The following UBXN11 variants were observed in gnomAD, a reference collection of about 807,000 sequenced individuals.
UBXN11 encodes UBX domain-containing protein 11.
UBXN11 carries 47 observed loss-of-function variants against 62.8 expected under a neutral mutation model. That is an observed-to-expected ratio of 0.75 (90% CI 0.59 to 0.95). UBXN11 has a LOEUF of 0.95. Among genes scored for constraint, UBXN11 ranks in the 40% least tolerant of loss-of-function variants. The pLI, the probability that UBXN11 is intolerant of heterozygous loss-of-function variation, is 0.00. For missense variants in UBXN11, 638 were observed against 661.7 expected (o/e 0.96, Z 0.39); for synonymous variants, 294 against 267.0 (o/e 1.10, Z -0.99).
chr1:26,286,160 G>C (rs898777614), intron 8 of UBXN11, 123 bp from the exon 9 acceptor site: 1 of 834,070 alleles, frequency 1.2e-6, no homozygotes, highest in African/African-American at 1.7e-5. Flanking sequence ...TGACTGCCTG[G>C]GGAAAAGGAC....
At chr1:26,316,273 T>G (rs576580491) in intron 1 of UBXN11, among the ~76,000 whole-genome samples, 1 of 151,886 alleles carries the variant, frequency 6.6e-6, no homozygotes, top group Non-Finnish European at 1.5e-5. Context: ...CAGCCTCTGT[T>G]TTTTTCTTTG....
At chr1:26,317,115 C>T (rs12088819) in intron 1 of UBXN11, among the ~76,000 whole-genome samples, 24,030 of 150,718 alleles carry the variant, frequency 0.16, 2,006 homozygotes, top group Middle Eastern at 0.21. Flanking sequence ...GTGGCACACA[C>T]CTGTAGTCCC....
rs1557677119 is a variant in UBXN11 at position 26,282,319 on chromosome 1, G to A, written c.1543C>T (p.Pro515Ser). The change falls in exon 15 of 15, where the codon CCC (proline) becomes TCC (serine). Residue 515 changes from proline to serine, a missense_variant. Coordinates refer to ENST00000374222, the MANE Select transcript of UBXN11 (RefSeq NM_001389556.1). ...GTGCTTTATTGGGGGCTGGGACTGGGTCCAGGACAGGGACTGGGGCCGGGA... is the reference window on the plus strand; with the variant it reads ...GTGCTTTATTGGGGGCTGGGACTGGATCCAGGACAGGGACTGGGGCCGGGA... ...PGPGPSPCPG[P>S]SPSPQ 1.4e-6 allele frequency: 2 copies of A among 1,458,256 alleles called. No individual in the cohort carries two copies. The highest frequency in any genetic ancestry group is 1.4e-5 in the South Asian group (1 of 73,038). 90.3% of individuals were successfully genotyped at this position (1,458,256 alleles called of 1,614,324 possible). A position where few individuals can be genotyped will look rare whatever the true frequency, so the allele number is the denominator to read the frequency against.
intron 1 of UBXN11, among the ~76,000 whole-genome samples, chr1:26,311,684 G>A (rs371246122): frequency 2.6e-5 from 4 of 151,366 alleles, no homozygotes; most frequent in East Asian, 3.9e-4. Context: ...CTCGTGATCC[G>A]CCCGCCTCGG....
chr1:26,317,723 T>C (rs4659426), intron 1 of UBXN11, among the ~76,000 whole-genome samples: 132,735 of 152,064 alleles, frequency 0.87, 58,895 homozygotes, highest in Non-Finnish European at 0.93. Flanking sequence ...TTCCAGGCCT[T>C]GGGCCCTACT....
chr1:26,299,044 G>A (rs1308083748), intron 4 of UBXN11, among the ~76,000 whole-genome samples: 2 of 152,112 alleles, frequency 1.3e-5, no homozygotes, highest in African/African-American at 4.8e-5. Context: ...TTTGCATGTG[G>A]GATAACAAAA....
intron 4 of UBXN11, among the ~76,000 whole-genome samples, chr1:26,299,849 G>A (rs1026222818): frequency 6.6e-6 from 1 of 151,906 alleles, no homozygotes; most frequent in African/African-American, 2.4e-5. Flanking sequence ...AAGTGACCTG[G>A]CTGGGTATGG....
chr1:26,285,777 G>A (rs1465483658), intron 9 of UBXN11, 46 bp downstream of exon 9: 1 of 1,551,666 alleles, frequency 6.4e-7, no homozygotes, highest in Non-Finnish European at 8.8e-7. Context: ...ACTAACAGTG[G>A]GCAGCAGGGG....
At chr1:26,283,240 A>T (rs752885893) in intron 12 of UBXN11, among the ~76,000 whole-genome samples, 4 of 152,182 alleles carry the variant, frequency 2.6e-5, no homozygotes, top group Non-Finnish European at 4.4e-5. Context: ...CTTCCCTCGG[A>T]AAATGACAAC....
At chr1:26,314,028 C>T (rs2073768286) in intron 1 of UBXN11, among the ~76,000 whole-genome samples, 1 of 152,114 alleles carries the variant, frequency 6.6e-6, no homozygotes, top group East Asian at 1.9e-4. Context: ...GATCGACTCG[C>T]CTCGGCCTCT....
chr1:26,300,259 G>A (rs997513696), intron 4 of UBXN11, among the ~76,000 whole-genome samples: 12 of 152,272 alleles, frequency 7.9e-5, no homozygotes, highest in East Asian at 3.9e-4. Context: ...GCATCTCATT[G>A]AATCCTCCCA....
chr1:26,285,799 CA>C, intron 9 of UBXN11, 23 bp downstream of exon 9: 1 of 1,573,618 alleles, frequency 6.4e-7, no homozygotes, highest in Non-Finnish European at 8.7e-7. Flanking sequence ...ACTAGAGCAC[CA>C]CCCCCCCCAA....
chr1:26,308,544 T>C (rs2073706879), upstream of UBXN11, among the ~76,000 whole-genome samples: 1 of 152,188 alleles, frequency 6.6e-6, no homozygotes. Flanking sequence ...GGAAGAGCTC[T>C]CTTGTTGCTG....
chr1:26,318,216 C>G (rs969103391), exon 1 of UBXN11: 3 of 709,056 alleles, frequency 4.2e-6, no homozygotes, highest in Non-Finnish European at 7.3e-6. Context: ...ACTGGGGACA[C>G]AGCGGGCCTG....
intron 8 of UBXN11, 83 bp from the exon 9 acceptor site, chr1:26,286,120 G>T: frequency 7.6e-7 from 1 of 1,317,118 alleles, no homozygotes. Context: ...TCCCTCCCAA[G>T]CTGGGCAGTG....
intron 4 of UBXN11, among the ~76,000 whole-genome samples, chr1:26,299,069 T>C (rs781180875): frequency 3.9e-5 from 6 of 152,194 alleles, no homozygotes; most frequent in Non-Finnish European, 7.3e-5. Context: ...CTTAATGTTC[T>C]TGTTGGCTGA....
At chr1:26,292,426 G>A (rs1482588663) in intron 8 of UBXN11, among the ~76,000 whole-genome samples, 1 of 152,142 alleles carries the variant, frequency 6.6e-6, no homozygotes, top group Non-Finnish European at 1.5e-5. Flanking sequence ...AGCTGAGGTG[G>A]GAGGATCACT....
intron 1 of UBXN11, among the ~76,000 whole-genome samples, chr1:26,303,454 T>A (rs1031943090): frequency 1.3e-5 from 2 of 151,786 alleles, no homozygotes; most frequent in African/African-American, 4.8e-5. Flanking sequence ...TGAAACCCTG[T>A]CTCTACTAAA....
intron 2 of UBXN11, among the ~76,000 whole-genome samples, chr1:26,302,083 A>G (rs970692386): frequency 2.0e-5 from 3 of 152,182 alleles, no homozygotes; most frequent in Non-Finnish European, 2.9e-5. Context: ...GAATGACTCA[A>G]AGTGGGGCCA....
Sources: allele counts gnomAD v4.1 joint callset (sites outside exome capture counted in the v4.1 genomes callset), GRCh38; gene constraint gnomAD v4.1.1; transcripts MANE v1.5; gene names NCBI Gene and HGNC (gene_info 2026-07-23, HGNC 2026-07-21).